NHSL1: variants seen among roughly 807,000 people sequenced by gnomAD.
NHSL1 encodes NHS-like protein 1.
A neutral mutation model predicts 95.0 loss-of-function variants in NHSL1; 48 were observed. The observed-to-expected ratio is 0.51, with a 90% confidence interval of 0.40 to 0.64. NHSL1 has a LOEUF of 0.64. Ranked by LOEUF, NHSL1 falls within the 30% of genes least tolerant of loss-of-function variation. The probability of loss-of-function intolerance (pLI) is 0.00; values close to 1 mark genes in which losing one functional copy is unlikely to be tolerated. For missense variants in NHSL1, 1,971 were observed against 2,077.7 expected (o/e 0.95, Z 1.00); for synonymous variants, 783 against 833.9 (o/e 0.94, Z 1.05).
At chr6:138,658,107 T>A (rs1474294353) in intron 1 of NHSL1, among the ~76,000 whole-genome samples, 3 of 152,156 alleles carry the variant, frequency 2.0e-5, no homozygotes, top group African/African-American at 7.2e-5. Context: ...TAAATGAGGC[T>A]ATAGGAGTCT....
intron 1 of NHSL1, among the ~76,000 whole-genome samples, chr6:138,540,041 T>TAAG (rs1207037961): frequency 1.3e-5 from 2 of 152,214 alleles, no homozygotes; most frequent in Admixed American, 6.5e-5. Flanking sequence ...CCAAGGGCTT[T>TAAG]CCCCACCAGT....
At chr6:138,508,550 C>T (rs1781073399) in intron 1 of NHSL1, among the ~76,000 whole-genome samples, 1 of 152,222 alleles carries the variant, frequency 6.6e-6, no homozygotes, top group South Asian at 2.1e-4. Flanking sequence ...GATACCCCAT[C>T]TTGTGGTCCA....
chr6:138,449,131 C>A (rs1777064740), intron 3 of NHSL1, among the ~76,000 whole-genome samples: 1 of 151,504 alleles, frequency 6.6e-6, no homozygotes, highest in Admixed American at 6.6e-5. Context: ...CATCTTGCTG[C>A]AAAAATCTGT....
intron 1 of NHSL1, among the ~76,000 whole-genome samples, chr6:138,565,817 C>T (rs988064426): frequency 4.1e-5 from 6 of 147,202 alleles, no homozygotes; most frequent in Non-Finnish European, 8.9e-5. Context: ...GTACCCTGTG[C>T]CTGTAGTCCT....
chr6:138,433,283 G>T lies in NHSL1; in HGVS notation c.1062C>A (p.Phe354Leu). ...LGPAGDMNGT[F>L]LYQRGHPQAD... ...CTTGTGGGTGACCTCTCTGGTAGAG[G>T]AAAGTGCCATTCATGTCTCCTGCAG... is the stretch of plus-strand genomic sequence containing the variant. The change falls in exon 6 of 8, where the codon TTC becomes TTA. Residue 354 changes from phenylalanine (F) to leucine (L), a missense_variant. Around this residue, in one of 3 missense-constraint regions of NHSL1, gnomAD observed 1,602 missense variants for 1,654.5 expected, o/e 0.97. Coordinates refer to ENST00000343505, the MANE Select transcript of NHSL1 (RefSeq NM_001144060.2). The T allele has an allele frequency of 6.4e-7, 1 of 1,551,612 alleles. No homozygotes were observed. The highest frequency in any genetic ancestry group is 8.7e-7 in the Non-Finnish European group (1 of 1,146,950).
intron 1 of NHSL1, among the ~76,000 whole-genome samples, chr6:138,632,183 G>C (rs540872963): frequency 6.6e-6 from 1 of 152,336 alleles, no homozygotes; most frequent in Admixed American, 6.5e-5. Context: ...CTTGTGGTTT[G>C]AGTGCCAGTT....
Position 138,424,169 on chromosome 6 carries a change from T to A in NHSL1, c.4733A>T (p.Gln1578Leu). Residue 1578 changes from glutamine to leucine, a missense_variant, in exon 8 of 8, where the codon CAG becomes CTG. Gln to Leu is a moderately radical substitution (Grantham distance 113). Around this residue, in one of 3 missense-constraint regions of NHSL1, gnomAD observed 223 missense variants for 217.0 expected, o/e 1.03. Coordinates refer to ENST00000343505, the MANE Select transcript of NHSL1 (RefSeq NM_001144060.2). This position sits in a 1 kb window ranked among gnomAD's most constrained non-coding sequence, Gnocchi z 5.9. ...GEGPAASLQPQAPGPVDGTAS... is the reference protein window; with the variant it reads ...GEGPAASLQPLAPGPVDGTAS... ...TGTCCCATCCACAGGGCCGGGGGCC[T>A]GGGGCTGCAGGGAGGCGGCAGGCCC... The A allele has an allele frequency of 6.8e-7, 1 of 1,460,028 alleles. No homozygotes were observed. Among genetic ancestry groups the A allele is most frequent in the Non-Finnish European group, 9.0e-7 (1 of 1,110,042 alleles). The allele number at this position is 1,460,028 out of a possible 1,614,324, so 90.4% of individuals were successfully genotyped here.
At chr6:138,530,280 A>G (rs1382317078) in intron 1 of NHSL1, among the ~76,000 whole-genome samples, 1 of 152,168 alleles carries the variant, frequency 6.6e-6, no homozygotes. Flanking sequence ...AAGAATGACC[A>G]TGTTGGCAGG....
chr6:138,539,408 T>C (rs2128322507), intron 1 of NHSL1, among the ~76,000 whole-genome samples: 1 of 152,302 alleles, frequency 6.6e-6, no homozygotes. Flanking sequence ...GGTGACATGA[T>C]GTCCTGCCTT....
chr6:138,691,396 A>T (rs1359797086), intron 1 of NHSL1, among the ~76,000 whole-genome samples: 1 of 152,248 alleles, frequency 6.6e-6, no homozygotes, highest in Admixed American at 6.5e-5. Flanking sequence ...CACTGAAATT[A>T]AATAATTGAA....
intron 3 of NHSL1, among the ~76,000 whole-genome samples, chr6:138,448,013 T>G (rs995617845): frequency 6.6e-6 from 1 of 152,338 alleles, no homozygotes; most frequent in Non-Finnish European, 1.5e-5. Context: ...AAAAAATCAG[T>G]GTGAAATTGT....
chr6:138,568,602 GA>G (rs1783706800), intron 1 of NHSL1, among the ~76,000 whole-genome samples: 1 of 152,194 alleles, frequency 6.6e-6, no homozygotes, highest in Admixed American at 6.5e-5. Context: ...TATAAACGGG[GA>G]TGGGATTCAA....
chr6:138,661,057 A>G (rs1785220574), intron 1 of NHSL1, among the ~76,000 whole-genome samples: 1 of 152,232 alleles, frequency 6.6e-6, no homozygotes, highest in South Asian at 2.1e-4. Context: ...GATTTGATAT[A>G]CATTCTGAGA....
chr6:138,574,902 GTTC>G (rs144324724), upstream of NHSL1, among the ~76,000 whole-genome samples: 3,413 of 152,078 alleles, frequency 0.022, 63 homozygotes, highest in Non-Finnish European at 0.036. Flanking sequence ...AACCTTGTGT[GTTC>G]TTCTTTTTTT....
intron 1 of NHSL1, among the ~76,000 whole-genome samples, chr6:138,529,124 C>T (rs1782030803): frequency 6.6e-6 from 1 of 152,184 alleles, no homozygotes; most frequent in African/African-American, 2.4e-5. Flanking sequence ...GATGTCTCCG[C>T]TGGGGCCTTT....
At chr6:138,545,240 A>G (rs567628814) in intron 1 of NHSL1, among the ~76,000 whole-genome samples, 1 of 151,408 alleles carries the variant, frequency 6.6e-6, no homozygotes, top group South Asian at 2.1e-4. Context: ...TACCCTTTCT[A>G]CTCCTTCTAA....
At chr6:138,514,961 C>A (rs1354281238) in intron 1 of NHSL1, among the ~76,000 whole-genome samples, 1 of 151,788 alleles carries the variant, frequency 6.6e-6, no homozygotes, top group Admixed American at 6.6e-5. Context: ...GTACTGAATT[C>A]ACCCTTCTTC....
At chr6:138,613,160 T>TA (rs1356163631) in intron 1 of NHSL1, among the ~76,000 whole-genome samples, 1 of 152,238 alleles carries the variant, frequency 6.6e-6, no homozygotes, top group Non-Finnish European at 1.5e-5. Context: ...ATTATGCTTT[T>TA]AACTAACTGC....
chr6:138,499,626 A>G (rs547172298), upstream of NHSL1: 103 of 227,900 alleles, frequency 4.5e-4, no homozygotes, highest in Non-Finnish European at 7.6e-4. Flanking sequence ...CTCAGTGCCC[A>G]TTCATTCAGT....
Sources: gnomAD v4.1 joint callset for allele counts (sites outside exome capture counted in the v4.1 genomes callset) on GRCh38, gnomAD v4.1.1 for gene constraint, gnomAD v4.1.1 regional missense constraint, Gnocchi (gnomAD v3.1) non-coding constraint, MANE v1.5 for transcripts, NCBI Gene and HGNC (gene_info 2026-07-23, HGNC 2026-07-21) for gene names.